The following STXBP5L variants were observed in gnomAD, a reference collection of about 807,000 sequenced individuals.
STXBP5L encodes syntaxin-binding protein 5-like.
STXBP5L carries 65 observed loss-of-function variants against 144.5 expected under a neutral mutation model. The observed-to-expected ratio is 0.45, with a 90% CI of 0.37 to 0.55. STXBP5L has a LOEUF of 0.55. Ranked by LOEUF, STXBP5L falls within the 20% of genes least tolerant of loss-of-function variation. The probability of loss-of-function intolerance (pLI) is 0.00; values close to 1 mark genes in which losing one functional copy is unlikely to be tolerated. For missense variants in STXBP5L, 1,298 were observed against 1,405.5 expected (o/e 0.92, Z 1.22); for synonymous variants, 505 against 469.6 (o/e 1.08, Z -0.97).
At chr3:120,945,514 G>T (rs1683983) in intron 2 of STXBP5L, among the ~76,000 whole-genome samples, 143,909 of 151,720 alleles carry the variant, frequency 0.95, 68,279 homozygotes, top group Non-Finnish European at 0.95. Context: ...TATTTGAATA[G>T]GATATATATA....
At chr3:121,338,041 GA>G (rs1241948971) in intron 20 of STXBP5L, among the ~76,000 whole-genome samples, 1 of 152,056 alleles carries the variant, frequency 6.6e-6, no homozygotes, top group Non-Finnish European at 1.5e-5. Flanking sequence ...AAACCTCTGG[GA>G]TACAGGAAAA....
intron 3 of STXBP5L, among the ~76,000 whole-genome samples, chr3:120,991,423 C>T (rs917681784): frequency 7.9e-5 from 12 of 151,812 alleles, no homozygotes; most frequent in East Asian, 3.9e-4. Flanking sequence ...GTCAGTGTGG[C>T]GATTCCTCAG....
chr3:121,300,608 T>G (rs907502442), intron 19 of STXBP5L, among the ~76,000 whole-genome samples: 3 of 152,028 alleles, frequency 2.0e-5, no homozygotes, highest in Admixed American at 1.3e-4. Flanking sequence ...TTATAATCCC[T>G]AGAACAACCA....
At chr3:120,988,819 T>C in intron 3 of STXBP5L, among the ~76,000 whole-genome samples, 1 of 152,078 alleles carries the variant, frequency 6.6e-6, no homozygotes, top group Non-Finnish European at 1.5e-5. Context: ...CTGTTCCCAC[T>C]CTTCCACTTT....
At chr3:121,177,817 G>A (rs756285072) in intron 9 of STXBP5L, among the ~76,000 whole-genome samples, 1 of 152,180 alleles carries the variant, frequency 6.6e-6, no homozygotes, top group Non-Finnish European at 1.5e-5. Context: ...CTTGAGATAT[G>A]TGTATACTCA....
intron 20 of STXBP5L, among the ~76,000 whole-genome samples, chr3:121,334,683 G>A (rs371968558): frequency 9.2e-5 from 14 of 152,094 alleles, no homozygotes; most frequent in East Asian, 5.8e-4. Context: ...AGGTAGGTCC[G>A]ACATATGCAA....
chr3:121,019,565 T>C (rs1945396556), intron 3 of STXBP5L, among the ~76,000 whole-genome samples: 1 of 152,168 alleles, frequency 6.6e-6, no homozygotes, highest in South Asian at 2.1e-4. Flanking sequence ...ATCCATGGCT[T>C]AGAGACCTGA....
At chr3:121,250,842 C>A (rs2050005323) in intron 15 of STXBP5L, 79 bp downstream of exon 15, 2 of 1,262,236 alleles carry the variant, frequency 1.6e-6, no homozygotes, top group Non-Finnish European at 2.2e-6. Context: ...TTAGTTTGGG[C>A]AATTAAAATT....
chr3:121,377,470 G>A (rs926820136), intron 20 of STXBP5L, among the ~76,000 whole-genome samples: 6 of 152,092 alleles, frequency 3.9e-5, no homozygotes, highest in African/African-American at 1.2e-4. Context: ...AATCTACAAG[G>A]AACTTAGACA....
At chr3:121,092,071 A>C (rs1322623670) in intron 5 of STXBP5L, among the ~76,000 whole-genome samples, 1 of 152,162 alleles carries the variant, frequency 6.6e-6, no homozygotes, top group Admixed American at 6.5e-5. Context: ...GGTTTGTCAA[A>C]GATCAGATAG....
At chr3:121,067,950 T>A (rs2041626729) in intron 5 of STXBP5L, among the ~76,000 whole-genome samples, 1 of 152,258 alleles carries the variant, frequency 6.6e-6, no homozygotes, top group African/African-American at 2.4e-5. Flanking sequence ...ATTATATTAT[T>A]GTCAATGTCT....
intron 3 of STXBP5L, among the ~76,000 whole-genome samples, chr3:120,969,822 C>T (rs750784096): frequency 7.2e-5 from 11 of 151,856 alleles, no homozygotes; most frequent in Non-Finnish European, 1.6e-4. Context: ...TTTCTGTTTA[C>T]ATTTTATTAC....
intron 20 of STXBP5L, among the ~76,000 whole-genome samples, chr3:121,348,923 G>T (rs1415054467): frequency 6.6e-6 from 1 of 151,902 alleles, no homozygotes; most frequent in African/African-American, 2.4e-5. Flanking sequence ...TGGATTCATT[G>T]ATTTTTTGAA....
intron 3 of STXBP5L, among the ~76,000 whole-genome samples, chr3:120,992,842 G>T (rs1943035229): frequency 6.6e-6 from 1 of 151,904 alleles, no homozygotes; most frequent in Admixed American, 6.6e-5. Flanking sequence ...TGGATAATAT[G>T]GTAGTTCTAT....
intron 11 of STXBP5L, among the ~76,000 whole-genome samples, chr3:121,224,922 T>C (rs531411701): frequency 5.9e-5 from 9 of 152,220 alleles, no homozygotes; most frequent in African/African-American, 1.9e-4. Flanking sequence ...GAATGTGTGG[T>C]CTGTGTGTAT....
intron 20 of STXBP5L, among the ~76,000 whole-genome samples, chr3:121,331,219 G>A (rs1261859824): frequency 6.6e-6 from 1 of 152,178 alleles, no homozygotes; most frequent in East Asian, 1.9e-4. Flanking sequence ...CACTGGTGCA[G>A]TGCTGAGCTC....
At chr3:120,949,116 TG>T (rs1711038076) in intron 2 of STXBP5L, among the ~76,000 whole-genome samples, 2 of 152,032 alleles carry the variant, frequency 1.3e-5, no homozygotes, top group Admixed American at 1.3e-4. Flanking sequence ...AGGAGTAAGG[TG>T]GTATCTCATT....
At chr3:121,091,771 T>G (rs1368525845) in intron 5 of STXBP5L, among the ~76,000 whole-genome samples, 9 of 152,330 alleles carry the variant, frequency 5.9e-5, no homozygotes, top group Non-Finnish European at 1.2e-4. Flanking sequence ...CAGAAGCTCT[T>G]TAGTTTAATT....
intron 5 of STXBP5L, among the ~76,000 whole-genome samples, chr3:121,094,096 T>G (rs1001665668): frequency 1.3e-5 from 2 of 152,222 alleles, no homozygotes; most frequent in African/African-American, 4.8e-5. Context: ...GTGAGTGTCT[T>G]AATCCTGAGT....
Sources: allele counts gnomAD v4.1 joint callset (sites outside exome capture counted in the v4.1 genomes callset), GRCh38; gene constraint gnomAD v4.1.1; transcripts MANE v1.5; gene names NCBI Gene and HGNC (gene_info 2026-07-23, HGNC 2026-07-21).